Variants in GRIP1 observed in about 807,000 individuals in gnomAD.
GRIP1 encodes glutamate receptor interacting protein 1, also known as glutamate receptor-interacting protein 1.
GRIP1 carries 45 observed loss-of-function variants against 129.9 expected under a neutral mutation model. The observed-to-expected ratio is 0.35, with a 90% CI of 0.27 to 0.44. The LOEUF is 0.44. Ranked by LOEUF, GRIP1 falls within the 20% of genes least tolerant of loss-of-function variation. The probability of loss-of-function intolerance (pLI) is 1.00; values close to 1 mark genes in which losing one functional copy is unlikely to be tolerated. For synonymous variants in GRIP1, 530 were observed against 520.8 expected (o/e 1.02, Z -0.24); for missense variants, 1,196 against 1,396.8 (o/e 0.86, Z 2.29).
intron 1 of GRIP1, among the ~76,000 whole-genome samples, chr12:67,054,605 A>T (rs2043402949): frequency 6.6e-6 from 1 of 152,246 alleles, no homozygotes. Flanking sequence ...TTCTACTAAA[A>T]ATACAAAAAT....
intron 1 of GRIP1, among the ~76,000 whole-genome samples, chr12:66,767,957 T>A (rs1008044146): frequency 6.6e-6 from 1 of 152,190 alleles, no homozygotes; most frequent in African/African-American, 2.4e-5. Flanking sequence ...GGGTTAAGAA[T>A]CAACGCAATT....
intron 16 of GRIP1, among the ~76,000 whole-genome samples, chr12:66,401,609 T>TATATATACACACACACAC (rs1169241331): frequency 7.3e-5 from 8 of 110,192 alleles, no homozygotes; most frequent in African/African-American, 2.6e-4. Context: ...TATATATATA[T>TATATATACACACACACAC]ACACACACAC....
At chr12:66,872,519 C>A (rs1420840539) in intron 1 of GRIP1, among the ~76,000 whole-genome samples, 3 of 151,882 alleles carry the variant, frequency 2.0e-5, no homozygotes, top group African/African-American at 7.3e-5. Context: ...GTGTTTCTTT[C>A]AACTAAAAAT....
chr12:66,611,880 G>C (rs2064811462), intron 1 of GRIP1, among the ~76,000 whole-genome samples: 1 of 152,112 alleles, frequency 6.6e-6, no homozygotes, highest in Admixed American at 6.5e-5. Context: ...TCTCAAGCTA[G>C]TCTTGCTGCA....
intron 1 of GRIP1, among the ~76,000 whole-genome samples, chr12:66,811,334 T>C (rs956614335): frequency 3.9e-5 from 6 of 152,308 alleles, no homozygotes; most frequent in Admixed American, 2.6e-4. Context: ...AAAATGTTCA[T>C]TGTATCGGAA....
At chr12:66,838,871 A>G (rs2039664390) in intron 1 of GRIP1, among the ~76,000 whole-genome samples, 1 of 152,216 alleles carries the variant, frequency 6.6e-6, no homozygotes, top group Non-Finnish European at 1.5e-5. Flanking sequence ...GTCGGAGATA[A>G]AGGCAGACTT....
intron 1 of GRIP1, among the ~76,000 whole-genome samples, chr12:66,972,448 ACAAAGATATAACAGTC>A (rs2042088506): frequency 6.6e-6 from 1 of 152,226 alleles, no homozygotes; most frequent in South Asian, 2.1e-4. Context: ...AGAACTTCTT[ACAAAGATATAACAGTC>A]CAATTCAGCA....
chr12:66,838,187 T>TAAA (rs56259335), intron 1 of GRIP1, among the ~76,000 whole-genome samples: 3 of 137,522 alleles, frequency 2.2e-5, no homozygotes, highest in Admixed American at 1.5e-4. Flanking sequence ...AGACTCCACC[T>TAAA]AAAAAAAAAA....
At chr12:66,595,393 T>C (rs2064009755) in intron 2 of GRIP1, among the ~76,000 whole-genome samples, 1 of 152,176 alleles carries the variant, frequency 6.6e-6, no homozygotes, top group Non-Finnish European at 1.5e-5. Context: ...AGAGAACCCA[T>C]GAAAAGAAAA....
intron 1 of GRIP1, among the ~76,000 whole-genome samples, chr12:66,711,121 C>T (rs1037796107): frequency 6.6e-6 from 1 of 151,822 alleles, no homozygotes; most frequent in East Asian, 1.9e-4. Flanking sequence ...AGCTCAGATG[C>T]ATAACCTGAT....
chr12:66,886,013 AG>A lies in GRIP1; in HGVS notation c.58+183036del, dbSNP rs2040560049. ...TGCAGTGGTTCACGCCTGTAATCCC[AG>A]CACTTTGGGAAACCAAGTTGGGTGG... On this transcript the variant is annotated intron_variant, in intron 1 of 1. Transcript: ENST00000643019. Among the ~76,000 whole-genome samples, 4 of 152,218 alleles carry A rather than the reference AG, an allele frequency of 2.6e-5. No homozygotes were observed. In the South Asian group the frequency reaches 8.3e-4, roughly 32 times the overall value.
intron 1 of GRIP1, among the ~76,000 whole-genome samples, chr12:67,049,625 C>T (rs1174757867): frequency 1.3e-5 from 2 of 151,650 alleles, no homozygotes; most frequent in African/African-American, 4.8e-5. Flanking sequence ...GGGCTTAAAA[C>T]CTAGATGATG....
chr12:66,511,374 T>G (rs754232174), intron 7 of GRIP1, among the ~76,000 whole-genome samples: 1 of 152,126 alleles, frequency 6.6e-6, no homozygotes, highest in Admixed American at 6.6e-5. Context: ...CAAGCACTAG[T>G]GAGGATGTGA....
chr12:66,839,269 C>G (rs1177242040), intron 1 of GRIP1, among the ~76,000 whole-genome samples: 2 of 152,024 alleles, frequency 1.3e-5, no homozygotes, highest in Admixed American at 6.5e-5. Context: ...ATTGCCCAAT[C>G]AGTGATTCTG....
intron 2 of GRIP1, among the ~76,000 whole-genome samples, chr12:66,560,510 C>G (rs868190426): frequency 6.6e-6 from 1 of 151,408 alleles, no homozygotes; most frequent in South Asian, 2.1e-4. Context: ...GAAAAATGGG[C>G]AAAATATTTG....
rs1346445802 is a variant in GRIP1, at chr12:66,583,856, C to A, written c.136+12991G>T. 1.5e-5 allele frequency among the ~76,000 whole-genome samples: 2 copies of A among 134,694 alleles called. 1 individual carries two copies. The highest frequency in any genetic ancestry group is 3.3e-5 in the Non-Finnish European group (2 of 61,230). The allele number at this position is 134,694 out of a possible 152,430, so 88.4% of individuals were successfully genotyped here. ...ATTGTGGAAGTCAGTGTGGCGATTC[C>A]TCAGGGATCTAGAACTAGAAATACC... On this transcript the variant is annotated intron_variant, in intron 2 of 24. Coordinates refer to ENST00000359742, the MANE Select transcript of GRIP1 (RefSeq NM_001366722.1).
At chr12:66,711,936 C>A (rs1196167864) in intron 1 of GRIP1, among the ~76,000 whole-genome samples, 1 of 151,850 alleles carries the variant, frequency 6.6e-6, no homozygotes, top group Admixed American at 6.6e-5. Flanking sequence ...TGATTTAGGA[C>A]TTTCATCATT....
At chr12:66,469,873 G>C (rs933208935) in intron 7 of GRIP1, among the ~76,000 whole-genome samples, 1 of 152,152 alleles carries the variant, frequency 6.6e-6, no homozygotes, top group Non-Finnish European at 1.5e-5. Context: ...GTCCCAAACT[G>C]AAGAGTGAGA....
intron 1 of GRIP1, among the ~76,000 whole-genome samples, chr12:66,703,779 G>T (rs977744480): frequency 6.6e-6 from 1 of 152,040 alleles, no homozygotes; most frequent in Non-Finnish European, 1.5e-5. Context: ...AGAGCCATGG[G>T]TTGGGTGACA....
Sources: gnomAD v4.1 joint callset for allele counts (sites outside exome capture counted in the v4.1 genomes callset) on GRCh38, gnomAD v4.1.1 for gene constraint, MANE v1.5 for transcripts, NCBI Gene and HGNC (gene_info 2026-07-23, HGNC 2026-07-21) for gene names.